Variants in DLGAP1 observed in about 807,000 individuals in gnomAD.
DLGAP1 encodes the protein DLG associated protein 1.
In DLGAP1, 11 loss-of-function variants were observed where a neutral mutation model predicts 90.8. The ratio of observed to expected loss-of-function variants is 0.12; its 90% CI spans 0.08 to 0.20. DLGAP1 has a LOEUF of 0.20. Among genes scored for constraint, DLGAP1 ranks in the 10% least tolerant of loss-of-function variants. DLGAP1 has a pLI of 1.00. For missense variants in DLGAP1, 1,050 were observed against 1,333.8 expected (o/e 0.79, Z 3.31); for synonymous variants, 558 against 540.7 (o/e 1.03, Z -0.44).
chr18:4,204,833 C>CA (rs1488524052), intron 1 of DLGAP1, among the ~76,000 whole-genome samples: 1 of 151,616 alleles, frequency 6.6e-6, no homozygotes. Flanking sequence ...GACTTATATG[C>CA]ACGGAAGTAT....
chr18:3,735,224 C>G (rs1042146024), intron 6 of DLGAP1, among the ~76,000 whole-genome samples: 2 of 151,794 alleles, frequency 1.3e-5, no homozygotes, highest in African/African-American at 4.8e-5. Context: ...TGTCAAAATG[C>G]GTATTTTTTT....
chr18:3,551,152 TA>T (rs1442731966), intron 9 of DLGAP1, among the ~76,000 whole-genome samples: 184 of 8,110 alleles, frequency 0.023, 3 homozygotes, highest in African/African-American at 0.025. Context: ...TGACTAATAT[TA>T]TATACATATA....
chr18:4,214,994 GAGAT>G (rs2077922475), intron 1 of DLGAP1, among the ~76,000 whole-genome samples: 1 of 152,086 alleles, frequency 6.6e-6, no homozygotes, highest in Non-Finnish European at 1.5e-5. Context: ...GATAAGGAAA[GAGAT>G]AAAGAGTTCA....
intron 11 of DLGAP1, among the ~76,000 whole-genome samples, chr18:3,503,222 T>C (rs1313391586): frequency 1.3e-5 from 2 of 151,506 alleles, no homozygotes; most frequent in Non-Finnish European, 1.5e-5. Flanking sequence ...TTTTATCATA[T>C]GACTGCTTTG....
At chr18:3,661,743 AT>A (rs994935758) in intron 7 of DLGAP1, among the ~76,000 whole-genome samples, 1,880 of 145,672 alleles carry the variant, frequency 0.013, 37 homozygotes, top group African/African-American at 0.043. Flanking sequence ...TGCCTGGATG[AT>A]TTTTTTTTTT....
intron 1 of DLGAP1, among the ~76,000 whole-genome samples, chr18:4,244,060 CAT>C (rs2078602799): frequency 1.3e-5 from 2 of 152,100 alleles, no homozygotes; most frequent in South Asian, 4.2e-4. Flanking sequence ...AGACATTGTG[CAT>C]ATCTTAAGAA....
intron 7 of DLGAP1, among the ~76,000 whole-genome samples, chr18:3,692,307 A>C (rs1451301931): frequency 6.6e-6 from 1 of 152,266 alleles, no homozygotes; most frequent in East Asian, 1.9e-4. Context: ...AATGAAATGG[A>C]CTTTCCCCTC....
At position 3,534,400 on chromosome 18, in the gene DLGAP1, T is replaced by C. The variant is rs752804789; in HGVS notation, c.2273A>G (p.Asp758Gly). 32 of 1,614,052 alleles carry C rather than the reference T, an allele frequency of 2.0e-5. No individual in the cohort carries two copies. The highest frequency in any genetic ancestry group is 2.7e-5 in the African/African-American group (2 of 74,934). The stretch of plus-strand genomic sequence containing the variant: ...CAGAATAGAGGGGTCAAAATCCGTG[T>C]CAAAGTCATCATCGGCGGCACAGGC... The part of the protein sequence containing the change: ...YHACAADDDF[D>G]TDFDPSILPP... Residue 758 changes from aspartate to glycine, a missense_variant, in exon 10 of 13, where the codon GAC becomes GGC. Physicochemically the swap from Asp to Gly is moderately conservative, Grantham distance 94. Transcript: ENST00000315677.
chr18:4,172,957 C>CTT (rs1402692937), intron 1 of DLGAP1, among the ~76,000 whole-genome samples: 1 of 152,186 alleles, frequency 6.6e-6, no homozygotes, highest in Non-Finnish European at 1.5e-5. Flanking sequence ...CTCATCCAAA[C>CTT]TGTTACGTTT....
chr18:4,332,177 T>C (rs1265474710), intron 1 of DLGAP1, among the ~76,000 whole-genome samples: 1 of 152,004 alleles, frequency 6.6e-6, no homozygotes, highest in Non-Finnish European at 1.5e-5. Flanking sequence ...ACCAGCATAC[T>C]GTGAATCCAG....
At chr18:4,306,040 A>ACACACACC (rs1191790091) in intron 1 of DLGAP1, among the ~76,000 whole-genome samples, 10 of 18,994 alleles carry the variant, frequency 5.3e-4, no homozygotes, top group African/African-American at 6.2e-4. Flanking sequence ...AAATACACAC[A>ACACACACC]CACACACACA....
chr18:4,161,467 C>A (rs2076844387), intron 1 of DLGAP1, among the ~76,000 whole-genome samples: 1 of 152,072 alleles, frequency 6.6e-6, no homozygotes, highest in Non-Finnish European at 1.5e-5. Context: ...TATATATGTA[C>A]CACATTTTCT....
At chr18:3,943,031 A>T (rs542832968) in intron 3 of DLGAP1, among the ~76,000 whole-genome samples, 1 of 151,960 alleles carries the variant, frequency 6.6e-6, no homozygotes, top group African/African-American at 2.4e-5. Flanking sequence ...AGGTAGTTTC[A>T]TCTTCAGCTT....
intron 7 of DLGAP1, among the ~76,000 whole-genome samples, chr18:3,647,691 C>T (rs1047866582): frequency 5.3e-5 from 8 of 151,988 alleles, no homozygotes; most frequent in Non-Finnish European, 1.0e-4. Context: ...GTCTCAAACT[C>T]CTGACCTCAG....
intron 2 of DLGAP1, among the ~76,000 whole-genome samples, chr18:4,120,407 G>C (rs1223598826): frequency 1.3e-5 from 2 of 152,144 alleles, no homozygotes; most frequent in African/African-American, 4.8e-5. Flanking sequence ...AAAGCCAATA[G>C]GAAAAAGTGA....
intron 2 of DLGAP1, among the ~76,000 whole-genome samples, chr18:4,067,932 C>T (rs2075393126): frequency 6.6e-6 from 1 of 152,014 alleles, no homozygotes; most frequent in South Asian, 2.1e-4. Context: ...GTCTTAGGAC[C>T]TCTTGAGACT....
chr18:3,928,869 G>A (rs148498141), intron 3 of DLGAP1, among the ~76,000 whole-genome samples: 1 of 152,218 alleles, frequency 6.6e-6, no homozygotes, highest in East Asian at 1.9e-4. Context: ...CTGTGATCTC[G>A]AGCGTTAGAG....
intron 5 of DLGAP1, among the ~76,000 whole-genome samples, chr18:3,797,684 A>G (rs1017072740): frequency 6.6e-6 from 1 of 151,940 alleles, no homozygotes; most frequent in Non-Finnish European, 1.5e-5. Context: ...GTCACTACAC[A>G]TAGTGTTGGA....
chr18:4,343,007 C>A (rs1483158143), intron 1 of DLGAP1, among the ~76,000 whole-genome samples: 1 of 151,996 alleles, frequency 6.6e-6, no homozygotes, highest in Non-Finnish European at 1.5e-5. Flanking sequence ...CATAGTTGAA[C>A]ACTAAGTTTG....
Sources: gnomAD v4.1 joint callset for allele counts (sites outside exome capture counted in the v4.1 genomes callset) on GRCh38, gnomAD v4.1.1 for gene constraint, MANE v1.5 for transcripts, NCBI Gene and HGNC (gene_info 2026-07-23, HGNC 2026-07-21) for gene names.